Variants in MAN1C1 observed in about 807,000 individuals in gnomAD.
The protein encoded by MAN1C1 is mannosidase alpha class 1C member 1, also known as mannosyl-oligosaccharide 1,2-alpha-mannosidase IC.
MAN1C1 carries 49 observed loss-of-function variants against 71.5 expected under a neutral mutation model. The observed-to-expected ratio is 0.69, with a 90% CI of 0.54 to 0.87. The LOEUF (loss-of-function observed/expected upper bound fraction) is 0.87. Ranked by LOEUF, MAN1C1 falls within the 40% of genes least tolerant of loss-of-function variation. The pLI is 0.00. For missense variants in MAN1C1, 743 were observed against 835.0 expected (o/e 0.89, Z 1.36); for synonymous variants, 352 against 343.7 (o/e 1.02, Z -0.27).
chr1:25,632,291 G>T (rs556111936), intron 1 of MAN1C1, among the ~76,000 whole-genome samples: 1 of 152,108 alleles, frequency 6.6e-6, no homozygotes, highest in Admixed American at 6.5e-5. Context: ...GTTTATGTGC[G>T]TAGAGATGTT....
intron 1 of MAN1C1, among the ~76,000 whole-genome samples, chr1:25,627,220 T>G (rs1297551773): frequency 6.6e-6 from 1 of 152,232 alleles, no homozygotes; most frequent in Admixed American, 6.5e-5. Context: ...TTTTCCACTC[T>G]AGTGATTTAT....
chr1:25,733,221 A>T (rs1410859676), intron 2 of MAN1C1, among the ~76,000 whole-genome samples: 7 of 152,074 alleles, frequency 4.6e-5, no homozygotes, highest in African/African-American at 1.7e-4. Flanking sequence ...CCTCATCCGT[A>T]AGTGCCTAGA....
chr1:25,775,350 G>A lies in MAN1C1; in HGVS notation c.1258-2755G>A, dbSNP rs2047605871. Among the ~76,000 whole-genome samples, 1 of 152,252 alleles carries A rather than the reference G, an allele frequency of 6.6e-6. No individual in the cohort carries two copies. Among genetic ancestry groups the A allele is most frequent in the African/African-American group, 2.4e-5 (1 of 41,464 alleles). On this transcript the variant is annotated intron_variant, in intron 8 of 11. Coordinates refer to ENST00000374332, the MANE Select transcript of MAN1C1 (RefSeq NM_020379.4). This position sits in a 1 kb window ranked among gnomAD's most constrained non-coding sequence, Gnocchi z 5.1. ...CCATGTGGAGCAGGTGCCCTGGCAT[G>A]TCACATTGTCAGCGCTTTTCCATCT... is the stretch of plus-strand genomic sequence containing the variant.
intron 1 of MAN1C1, among the ~76,000 whole-genome samples, chr1:25,647,502 T>A (rs1219462691): frequency 6.6e-6 from 1 of 151,948 alleles, no homozygotes; most frequent in Non-Finnish European, 1.5e-5. Context: ...TGGGCTCCAG[T>A]ATGGAGGTAC....
At chr1:25,671,568 T>A (rs79720307) in intron 1 of MAN1C1, among the ~76,000 whole-genome samples, 1 of 152,220 alleles carries the variant, frequency 6.6e-6, no homozygotes, top group African/African-American at 2.4e-5. Context: ...TTCAGAATGC[T>A]GTTGCCTGTG....
At position 25,618,061 on chromosome 1, in the gene MAN1C1, GCCGGCC is replaced by G; in HGVS notation, c.269_274del (p.Ala90_Pro91del). On this transcript the variant is annotated inframe_deletion, in exon 1 of 12. Transcript: ENST00000374332. Reference sequence around the variant, plus strand: ...CGCCTCCCAACCCGGCCCCCGCCGCGCCGGCCCCGGGCGAGGATGACCCCAGCAGCT... The same window carrying G: ...CGCCTCCCAACCCGGCCCCCGCCGCGCCGGGCGAGGATGACCCCAGCAGCT... 6.4e-7 allele frequency: 1 copy of G among 1,550,422 alleles called. No individual in the cohort carries two copies. Among genetic ancestry groups the G allele is most frequent in the Non-Finnish European group, 8.7e-7 (1 of 1,153,704 alleles).
intron 8 of MAN1C1, chr1:25,772,281 G>A (rs1420914368): frequency 6.3e-6 from 1 of 157,862 alleles, no homozygotes; most frequent in Non-Finnish European, 1.4e-5. Flanking sequence ...TTGTGTGGAT[G>A]GAAACCAAGG....
Position 25,778,751 on chromosome 1 carries a change from C to T in MAN1C1, c.1477+427C>T, listed in dbSNP as rs375249389. Among the ~76,000 whole-genome samples the T allele has an allele frequency of 9.9e-5, 15 of 152,250 alleles. 1 individual carries two copies. In the South Asian group the frequency reaches 2.1e-3, roughly 21 times the overall value. On this transcript the variant is annotated intron_variant, in intron 9 of 11. Transcript: ENST00000374332. The surrounding 1 kb of genome is among the most constrained non-coding windows in gnomAD (Gnocchi z 5.5). ...TTCAAATGTGCCTCTGCCTTTCCCC[C>T]GGCACCCTCCTTAGAGGGGGTTTCA...
Position 25,643,533 on chromosome 1 carries a change from A to G in MAN1C1, c.540+25196A>G, listed in dbSNP as rs892951830. ...TAATCCACCTGTCTCGGCCTCCCCA[A>G]GTGTTGGGATTACAGGCCTGACCCA... On this transcript the variant is annotated intron_variant, in intron 1 of 11. Coordinates refer to ENST00000374332, the MANE Select transcript of MAN1C1 (RefSeq NM_020379.4). Among the ~76,000 whole-genome samples the G allele has an allele frequency of 1.2e-4, 17 of 144,486 alleles. No individual in the cohort carries two copies. The South Asian group carries it at 3.1e-3, about 26-fold the overall frequency. The allele number at this position is 144,486 out of a possible 152,430, so 94.8% of individuals were successfully genotyped here. A position where few individuals can be genotyped will look rare whatever the true frequency, so the allele number is the denominator to read the frequency against.
At position 25,778,373 on chromosome 1, in the gene MAN1C1, C is replaced by G. The variant is rs1452177554; in HGVS notation, c.1477+49C>G. The G allele has an allele frequency of 1.9e-6, 3 of 1,539,152 alleles. No homozygotes were observed. In the African/African-American group the frequency reaches 4.1e-5, roughly 21 times the overall value. On this transcript the variant is annotated intron_variant, in intron 9 of 11. Coordinates refer to ENST00000374332, the MANE Select transcript of MAN1C1 (RefSeq NM_020379.4). The surrounding 1 kb of genome is among the most constrained non-coding windows in gnomAD (Gnocchi z 5.5). ...AGCAGGAGAGACTGAGGCTAGACAC[C>G]AGGAAGAACTGGAAAGACCGGCAGC...
intron 1 of MAN1C1, among the ~76,000 whole-genome samples, chr1:25,626,502 G>A (rs1375465484): frequency 2.0e-5 from 3 of 152,016 alleles, no homozygotes; most frequent in African/African-American, 7.2e-5. Flanking sequence ...GGGACTACAG[G>A]TGTCCGCCAC....
intron 4 of MAN1C1, among the ~76,000 whole-genome samples, chr1:25,752,518 C>T (rs1240273410): frequency 2.6e-5 from 4 of 152,240 alleles, no homozygotes; most frequent in Non-Finnish European, 4.4e-5. Flanking sequence ...GAGCCATTAT[C>T]TAACCACTTT....
chr1:25,621,087 T>C (rs549297534), intron 1 of MAN1C1, among the ~76,000 whole-genome samples: 1 of 152,278 alleles, frequency 6.6e-6, no homozygotes, highest in African/African-American at 2.4e-5. Context: ...TAAAATGGGG[T>C]GAGGGAGAGG....
At chr1:25,715,796 A>G (rs1023895346) in intron 2 of MAN1C1, among the ~76,000 whole-genome samples, 1 of 152,204 alleles carries the variant, frequency 6.6e-6, no homozygotes, top group African/African-American at 2.4e-5. Flanking sequence ...GCTACTGTTC[A>G]TTTTATCTGG....
chr1:25,740,728 G>A (rs771540011), intron 2 of MAN1C1, among the ~76,000 whole-genome samples: 22 of 152,104 alleles, frequency 1.4e-4, no homozygotes, highest in Non-Finnish European at 2.8e-4. Context: ...GAGCCACCGC[G>A]CCCGGCTGAC....
At chr1:25,627,715 C>T (rs1168060969) in intron 1 of MAN1C1, among the ~76,000 whole-genome samples, 1 of 152,018 alleles carries the variant, frequency 6.6e-6, no homozygotes, top group Admixed American at 6.6e-5. Context: ...CATTTGAGAA[C>T]AAATTTGTCA....
intron 3 of MAN1C1, among the ~76,000 whole-genome samples, chr1:25,747,380 G>A (rs947146056): frequency 2.6e-5 from 4 of 152,234 alleles, no homozygotes; most frequent in African/African-American, 9.6e-5. Flanking sequence ...CAACAGCCTT[G>A]AACACCACAG....
At position 25,617,758 on chromosome 1, in the gene MAN1C1, C is replaced by T. The variant is rs546147296; in HGVS notation, c.-40C>T. 2.1e-5 allele frequency: 32 copies of T among 1,539,588 alleles called. No homozygotes were observed. In the East Asian group the frequency reaches 7.5e-4, roughly 36 times the overall value. ...TCACCGCGCCCCCGCAGACACGTGC[C>T]TGGACTCCGAGGGCTTCTGGAGCCA... On this transcript the variant is annotated 5_prime_UTR_variant, in exon 1 of 12. Coordinates refer to ENST00000374332, the MANE Select transcript of MAN1C1 (RefSeq NM_020379.4). This position sits in a 1 kb window ranked among gnomAD's most constrained non-coding sequence, Gnocchi z 5.1.
chr1:25,779,700 C>G lies in MAN1C1; in HGVS notation c.1478-1240C>G, dbSNP rs2047668547. ...CCCCACTAGCGACTTGGCAAAATGA[C>G]TGTTTTCTGATGGCCAGGAGCCGCT... On this transcript the variant is annotated intron_variant, in intron 9 of 11. Transcript: ENST00000374332. The surrounding 1 kb of genome is among the most constrained non-coding windows in gnomAD (Gnocchi z 4.6). Among the ~76,000 whole-genome samples the G allele has an allele frequency of 6.6e-6, 1 of 152,110 alleles. No individual in the cohort carries two copies. Among genetic ancestry groups the G allele is most frequent in the African/African-American group, 2.4e-5 (1 of 41,398 alleles).
Sources: gnomAD v4.1 joint callset for allele counts (sites outside exome capture counted in the v4.1 genomes callset) on GRCh38, gnomAD v4.1.1 for gene constraint, Gnocchi (gnomAD v3.1) non-coding constraint, MANE v1.5 for transcripts, NCBI Gene and HGNC (gene_info 2026-07-23, HGNC 2026-07-21) for gene names.